BPGM: variants seen among roughly 807,000 people sequenced by gnomAD.
The protein encoded by BPGM is bisphosphoglycerate mutase.
Under a neutral mutation model 21.6 loss-of-function variants are expected in BPGM, and 15 were observed. That is an observed-to-expected ratio of 0.70 (90% CI 0.47 to 1.07). The LOEUF is 1.07. BPGM is among the 50% of genes least tolerant of loss of function. BPGM has a pLI of 0.00. For missense variants in BPGM, 273 were observed against 319.0 expected, an observed-to-expected ratio of 0.86 and a Z score of 1.10; for synonymous variants, 113 against 116.2, an observed-to-expected ratio of 0.97 and a Z score of 0.18.
At chr7:134,651,793 T>A (rs1483791119) in intron 1 of BPGM, among the ~76,000 whole-genome samples, 2 of 152,228 alleles carry the variant, frequency 1.3e-5, no homozygotes, top group Non-Finnish European at 2.9e-5. Flanking sequence ...ACATTTATAG[T>A]GAAAGATCTT....
chr7:134,673,032 G>A (rs1437750429), intron 2 of BPGM, among the ~76,000 whole-genome samples: 1 of 152,046 alleles, frequency 6.6e-6, no homozygotes, highest in African/African-American at 2.4e-5. Flanking sequence ...AAAGTAGCCG[G>A]GTGTGGTGGC....
At chr7:134,672,438 ATGTT>A (rs1178277057) in intron 2 of BPGM, among the ~76,000 whole-genome samples, 1 of 152,124 alleles carries the variant, frequency 6.6e-6, no homozygotes, top group Admixed American at 6.6e-5. Flanking sequence ...AATTTAGTGA[ATGTT>A]TGTTCAACTG....
chr7:134,666,207 A>G (rs1795818734), intron 2 of BPGM, among the ~76,000 whole-genome samples: 1 of 152,192 alleles, frequency 6.6e-6, no homozygotes, highest in Admixed American at 6.6e-5. Flanking sequence ...GTAGCCTTAC[A>G]TTATAACTCC....
intron 2 of BPGM, among the ~76,000 whole-genome samples, chr7:134,674,428 T>A (rs34229806): frequency 1.3e-5 from 2 of 152,076 alleles, no homozygotes; most frequent in Admixed American, 1.3e-4. Flanking sequence ...CACCCAGCCC[T>A]GGGCAACAAC....
At chr7:134,652,278 A>T (rs1474556985) in intron 1 of BPGM, among the ~76,000 whole-genome samples, 1 of 152,228 alleles carries the variant, frequency 6.6e-6, no homozygotes, top group Non-Finnish European at 1.5e-5. Context: ...CAGCTAGGCC[A>T]ATATCGGCAT....
chr7:134,656,153 CA>C (rs1260676881), intron 1 of BPGM, among the ~76,000 whole-genome samples: 1 of 152,156 alleles, frequency 6.6e-6, no homozygotes. Context: ...TGGGCCCAAG[CA>C]ATCTGTTTAA....
At chr7:134,647,864 C>T (rs1022533321) in intron 1 of BPGM, among the ~76,000 whole-genome samples, 3 of 152,186 alleles carry the variant, frequency 2.0e-5, no homozygotes, top group Admixed American at 2.0e-4. Context: ...GTGGCTCGAT[C>T]TCGGTTCACT....
At chr7:134,649,578 G>A (rs904456561) in intron 1 of BPGM, among the ~76,000 whole-genome samples, 1 of 152,190 alleles carries the variant, frequency 6.6e-6, no homozygotes, top group Non-Finnish European at 1.5e-5. Flanking sequence ...TATGAAAGAT[G>A]TTTATATGGG....
At chr7:134,648,136 T>C (rs1405819490) in intron 1 of BPGM, among the ~76,000 whole-genome samples, 1 of 149,650 alleles carries the variant, frequency 6.7e-6, no homozygotes, top group Non-Finnish European at 1.5e-5. Context: ...GTTTTGGTTT[T>C]TTTTTTGTTT....
At chr7:134,665,257 A>ACTGGGGCAGAAGTGGACT (rs1585861042) in intron 2 of BPGM, among the ~76,000 whole-genome samples, 5 of 31,832 alleles carry the variant, frequency 1.6e-4, no homozygotes, top group South Asian at 2.0e-3. Context: ...CAAAGTGCAC[A>ACTGGGGCAGAAGTGGACT]TATACACCAT....
chr7:134,675,402 G>T (rs1035397989), intron 2 of BPGM, among the ~76,000 whole-genome samples: 2 of 151,902 alleles, frequency 1.3e-5, no homozygotes, highest in Non-Finnish European at 2.9e-5. Flanking sequence ...CTAAGTCTTT[G>T]ATTCATTTTG....
chr7:134,672,378 C>G (rs1330384746), intron 2 of BPGM, among the ~76,000 whole-genome samples: 17 of 152,106 alleles, frequency 1.1e-4, no homozygotes. Context: ...TCACCCTGCA[C>G]CTGCTCCTCT....
At chr7:134,672,945 C>T (rs372388976) in intron 2 of BPGM, among the ~76,000 whole-genome samples, 8 of 152,026 alleles carry the variant, frequency 5.3e-5, no homozygotes, top group Non-Finnish European at 1.2e-4. Flanking sequence ...GAGGCCGAGG[C>T]GGGCAGATCA....
chr7:134,666,665 G>T (rs1795826014), intron 2 of BPGM, among the ~76,000 whole-genome samples: 3 of 152,154 alleles, frequency 2.0e-5, no homozygotes, highest in Non-Finnish European at 2.9e-5. Context: ...CTTAGATGTT[G>T]CTGTAGTTCT....
intron 1 of BPGM, among the ~76,000 whole-genome samples, chr7:134,656,535 A>T (rs1795641635): frequency 6.6e-6 from 1 of 152,224 alleles, no homozygotes; most frequent in Non-Finnish European, 1.5e-5. Flanking sequence ...GGAAACTTAC[A>T]ATCATGGTGG....
intron 1 of BPGM, among the ~76,000 whole-genome samples, chr7:134,648,651 A>G (rs1795507813): frequency 1.3e-5 from 2 of 151,434 alleles, no homozygotes; most frequent in Non-Finnish European, 2.9e-5. Context: ...GTGTGATCTT[A>G]AACAAATCAT....
intron 2 of BPGM, among the ~76,000 whole-genome samples, chr7:134,678,534 A>G (rs1269158376): frequency 6.6e-6 from 1 of 152,240 alleles, no homozygotes; most frequent in African/African-American, 2.4e-5. Flanking sequence ...AGATTACCTG[A>G]TTCCTTGGAA....
At chr7:134,659,086 C>A (rs1253252109) in intron 1 of BPGM, among the ~76,000 whole-genome samples, 3 of 151,988 alleles carry the variant, frequency 2.0e-5, no homozygotes, top group Admixed American at 6.6e-5. Flanking sequence ...ATTTGTCTAA[C>A]CATGCCCTTC....
chr7:134,674,683 G>T (rs1256528141), intron 2 of BPGM, among the ~76,000 whole-genome samples: 5 of 152,160 alleles, frequency 3.3e-5, no homozygotes, highest in African/African-American at 1.2e-4. Flanking sequence ...CATTTGTGTT[G>T]TGTTCACTTT....
Sources: gnomAD v4.1 joint callset for allele counts (sites outside exome capture counted in the v4.1 genomes callset) on GRCh38, gnomAD v4.1.1 for gene constraint, MANE v1.5 for transcripts, NCBI Gene and HGNC (gene_info 2026-07-23, HGNC 2026-07-21) for gene names.